Variants in AMOT observed in about 807,000 individuals in gnomAD.
AMOT encodes the protein angiomotin.
AMOT carries 11 observed loss-of-function variants against 67.0 expected under a neutral mutation model. The observed-to-expected ratio is 0.16, with a 90% confidence interval of 0.10 to 0.27. The LOEUF (loss-of-function observed/expected upper bound fraction) is 0.27. AMOT is among the 10% of genes least tolerant of loss of function. The pLI, the probability that AMOT is intolerant of heterozygous loss-of-function variation, is 1.00. For missense variants in AMOT, 753 were observed against 852.0 expected (o/e 0.88, Z 1.45); for synonymous variants, 326 against 321.4 (o/e 1.01, Z -0.15).
chrX:112,801,247 T>G (rs1309777379), intron 8 of AMOT, among the ~76,000 whole-genome samples: 1 of 111,247 alleles, frequency 9.0e-6, no homozygotes, highest in African/African-American at 3.3e-5. Flanking sequence ...TGTCTTTGAA[T>G]GGGAGAATAC....
At chrX:112,818,768 A>G (rs1602819632) in intron 4 of AMOT, among the ~76,000 whole-genome samples, 1 of 111,530 alleles carries the variant, frequency 9.0e-6, no homozygotes, top group East Asian at 2.8e-4. Context: ...AATGACAGTA[A>G]TAATAAAGGT....
At chrX:112,830,951 C>T (rs1934971066) in intron 2 of AMOT, among the ~76,000 whole-genome samples, 2 of 111,178 alleles carry the variant, frequency 1.8e-5, no homozygotes, top group African/African-American at 6.6e-5. Context: ...TTCAATATAT[C>T]TTAAGGGACA....
At chrX:112,839,602 C>A (rs189850343) in intron 1 of AMOT, among the ~76,000 whole-genome samples, 10 of 111,737 alleles carry the variant, frequency 8.9e-5, no homozygotes, top group Non-Finnish European at 1.9e-4. Context: ...CTGTTTCTCA[C>A]CAACTTTCTC....
chrX:112,833,125 C>T (rs1935037326), intron 1 of AMOT, among the ~76,000 whole-genome samples: 1 of 111,751 alleles, frequency 8.9e-6, no homozygotes, highest in African/African-American at 3.3e-5. Flanking sequence ...ACCGTGGGCA[C>T]AGCATATGGG....
intron 1 of AMOT, 130 bp downstream of exon 1, chrX:112,840,322 A>G (rs753904572): frequency 8.9e-6 from 1 of 112,393 alleles, no homozygotes; most frequent in African/African-American, 3.2e-5. Flanking sequence ...CGAGCTGCAA[A>G]GAAAGTAGAA....
chrX:112,786,202 T>C (rs1379123113), intron 10 of AMOT, among the ~76,000 whole-genome samples: 2 of 112,084 alleles, frequency 1.8e-5, no homozygotes, highest in Non-Finnish European at 3.8e-5. Flanking sequence ...AAAGAGGGAA[T>C]AGGTAGACAT....
chrX:112,821,118 C>G (rs1459634989), intron 4 of AMOT, among the ~76,000 whole-genome samples: 1 of 111,852 alleles, frequency 8.9e-6, no homozygotes, highest in Non-Finnish European at 1.9e-5. Context: ...ACTGCCTTCT[C>G]TCCTGAGTCA....
chrX:112,836,259 T>TTTG (rs1228392722), intron 1 of AMOT, among the ~76,000 whole-genome samples: 26 of 111,376 alleles, frequency 2.3e-4, no homozygotes, highest in African/African-American at 8.2e-4. Context: ...GGACCCTAGT[T>TTTG]TTGTTGTTGT....
At chrX:112,804,898 T>TGGC in intron 8 of AMOT, 49 bp downstream of exon 8, 3 of 837,581 alleles carry the variant, frequency 3.6e-6, no homozygotes, top group Non-Finnish European at 1.7e-6. Context: ...GTCCCCGATT[T>TGGC]CCCAGCCCTC....
chrX:112,814,116 T>C (rs1305313043), intron 5 of AMOT, among the ~76,000 whole-genome samples: 1 of 110,194 alleles, frequency 9.1e-6, no homozygotes, highest in Non-Finnish European at 1.9e-5. Flanking sequence ...CTACTAAAAA[T>C]ACAAAATTAG....
intron 4 of AMOT, 88 bp from the exon 5 acceptor site, chrX:112,815,965 C>G: frequency 9.1e-7 from 1 of 1,100,293 alleles, no homozygotes; most frequent in South Asian, 2.2e-5. Context: ...GAGGAGGCTT[C>G]TGATGCCCCC....
In AMOT at chrX:112,776,702, G is replaced by A. The variant is rs1475940628; in HGVS notation, c.*1865C>T. 2.7e-5 allele frequency: 3 copies of A among 111,344 alleles called. No individual in the cohort carries two copies. Among genetic ancestry groups the A allele is most frequent in the Non-Finnish European group, 3.8e-5 (2 of 53,002 alleles). The allele number at this position is 111,344 out of a possible 1,213,427, so 9.2% of individuals were successfully genotyped here. ...AAGAAGTGGGATTGGTTTCTCAGGG[G>A]GACATTTATGTGACTCTATGTTGAA... On this transcript the variant is annotated 3_prime_UTR_variant, in exon 14 of 14. Transcript: ENST00000371959.
At chrX:112,778,766 G>T in intron 13 of AMOT, 102 bp from the exon 14 acceptor site, 1 of 791,251 alleles carries the variant, frequency 1.3e-6, no homozygotes. Context: ...ATGGCAAAGT[G>T]AGACTTGCCT....
intron 7 of AMOT, among the ~76,000 whole-genome samples, chrX:112,805,795 T>G (rs1408501107): frequency 1.8e-5 from 2 of 111,564 alleles, no homozygotes; most frequent in Non-Finnish European, 3.8e-5. Context: ...CCTTCTCCAG[T>G]AGGATAGGCT....
intron 4 of AMOT, among the ~76,000 whole-genome samples, chrX:112,821,992 C>T (rs1408078357): frequency 8.9e-6 from 1 of 112,353 alleles, no homozygotes. Flanking sequence ...CTGCTGAAAA[C>T]AAGACTTTTG....
At chrX:112,778,760 C>A in intron 13 of AMOT, 96 bp from the exon 14 acceptor site, 1 of 821,178 alleles carries the variant, frequency 1.2e-6, no homozygotes, top group African/African-American at 2.0e-5. Context: ...AAGCCAATGG[C>A]AAAGTGAGAC....
At chrX:112,806,082 A>G (rs1029775011) in intron 7 of AMOT, among the ~76,000 whole-genome samples, 1 of 109,791 alleles carries the variant, frequency 9.1e-6, no homozygotes, top group Non-Finnish European at 1.9e-5. Context: ...CCTGGCCAAC[A>G]TGGTGAAACG....
intron 7 of AMOT, among the ~76,000 whole-genome samples, chrX:112,808,432 G>A (rs1228710966): frequency 9.0e-6 from 1 of 111,279 alleles, no homozygotes; most frequent in Non-Finnish European, 1.9e-5. Flanking sequence ...TTTTGAGAGG[G>A]CTTTCCTTTC....
intron 5 of AMOT, among the ~76,000 whole-genome samples, chrX:112,813,495 G>T (rs772217999): frequency 9.0e-6 from 1 of 111,025 alleles, no homozygotes; most frequent in African/African-American, 3.3e-5. Context: ...ACTCTACCTC[G>T]ACACTGGGTC....
Sources: allele counts gnomAD v4.1 joint callset (sites outside exome capture counted in the v4.1 genomes callset), GRCh38; gene constraint gnomAD v4.1.1; transcripts MANE v1.5; gene names NCBI Gene and HGNC (gene_info 2026-07-23, HGNC 2026-07-21).